LARGE1: variants seen among roughly 807,000 people sequenced by gnomAD.
The protein encoded by LARGE1 is xylosyl- and glucuronyltransferase LARGE1.
Under a neutral mutation model 87.6 loss-of-function variants are expected in LARGE1, and 43 were observed. The observed-to-expected ratio is 0.49, with a 90% CI of 0.38 to 0.63. The LOEUF is 0.63. Ranked by LOEUF, LARGE1 falls within the 30% of genes least tolerant of loss-of-function variation. LARGE1 has a pLI of 0.00. For missense variants in LARGE1, 802 were observed against 1,000.2 expected, an observed-to-expected ratio of 0.80 and a Z score of 2.67; for synonymous variants, 434 against 394.6, an observed-to-expected ratio of 1.10 and a Z score of -1.18.
chr22:33,107,673 TG>T, the LARGE1 span, among the ~76,000 whole-genome samples: 1 of 152,162 alleles, frequency 6.6e-6, no homozygotes, highest in Admixed American at 6.5e-5. Flanking sequence ...GAGACCAGCC[TG>T]GGAAACAAAG....
At chr22:33,892,302 T>C (rs1406737561) in intron 1 of LARGE1, among the ~76,000 whole-genome samples, 1 of 152,172 alleles carries the variant, frequency 6.6e-6, no homozygotes, top group Non-Finnish European at 1.5e-5. Context: ...ATTGGCTGCG[T>C]GGCTCTGCTC....
chr22:33,370,019 A>T (rs945866545), intron 9 of LARGE1, among the ~76,000 whole-genome samples: 7 of 152,188 alleles, frequency 4.6e-5, no homozygotes, highest in African/African-American at 1.7e-4. Context: ...CAACCTAGAC[A>T]TCTTTTGCAA....
chr22:33,738,468 G>A (rs754189039), intron 2 of LARGE1, among the ~76,000 whole-genome samples: 1 of 152,200 alleles, frequency 6.6e-6, no homozygotes, highest in Non-Finnish European at 1.5e-5. Context: ...GGAGAGGAGG[G>A]CAGGGAAATG....
chr22:33,071,004 T>G, the LARGE1 span, among the ~76,000 whole-genome samples: 1 of 151,778 alleles, frequency 6.6e-6, no homozygotes, highest in Non-Finnish European at 1.5e-5. Context: ...CTTCAACACA[T>G]GCCAGAAATA....
intron 6 of LARGE1, among the ~76,000 whole-genome samples, chr22:33,508,940 C>G (rs2070904345): frequency 6.6e-6 from 1 of 152,196 alleles, no homozygotes; most frequent in Admixed American, 6.5e-5. Context: ...TTACTAACAA[C>G]TACCCTGGTG....
chr22:33,805,736 A>AAAATAAATAAAT (rs1373490783), intron 1 of LARGE1, among the ~76,000 whole-genome samples: 4 of 112,092 alleles, frequency 3.6e-5, no homozygotes, highest in Non-Finnish European at 7.1e-5. Context: ...TCTGTCTCAA[A>AAAATAAATAAAT]AAATAAATAA....
chr22:33,745,555 C>G (rs1052139391), intron 2 of LARGE1, among the ~76,000 whole-genome samples: 1 of 152,130 alleles, frequency 6.6e-6, no homozygotes, highest in Non-Finnish European at 1.5e-5. Flanking sequence ...CAATCTGCCC[C>G]CAAACTGCGC....
At chr22:33,449,518 G>A (rs535143930) in intron 6 of LARGE1, among the ~76,000 whole-genome samples, 1 of 152,312 alleles carries the variant, frequency 6.6e-6, no homozygotes, top group South Asian at 2.1e-4. Flanking sequence ...CAAGCACTCT[G>A]ACTCCAAAGA....
At chr22:33,202,000 G>C (rs1230582336) in intron 11 of LARGE1, among the ~76,000 whole-genome samples, 6 of 152,046 alleles carry the variant, frequency 3.9e-5, no homozygotes, top group African/African-American at 1.4e-4. Context: ...GCTGGGCGTG[G>C]TGGCACACGC....
intron 1 of LARGE1, among the ~76,000 whole-genome samples, chr22:33,805,458 G>A (rs981091960): frequency 6.6e-6 from 1 of 152,140 alleles, no homozygotes; most frequent in African/African-American, 2.4e-5. Context: ...CCCTGGTCGG[G>A]CACGGTGGCT....
intron 1 of LARGE1, among the ~76,000 whole-genome samples, chr22:33,877,985 G>A (rs974689850): frequency 7.9e-5 from 12 of 151,276 alleles, no homozygotes; most frequent in African/African-American, 2.2e-4. Context: ...AATAAAGAAT[G>A]TAACATTTGA....
chr22:33,730,079 GAGTCCA>G (rs2083411689), intron 2 of LARGE1, among the ~76,000 whole-genome samples: 1 of 152,090 alleles, frequency 6.6e-6, no homozygotes, highest in East Asian at 1.9e-4. Flanking sequence ...TAAAGTGCAT[GAGTCCA>G]CAAATACACA....
intron 7 of LARGE1, among the ~76,000 whole-genome samples, chr22:33,423,064 G>A (rs140659542): frequency 6.6e-6 from 1 of 151,146 alleles, no homozygotes; most frequent in East Asian, 1.9e-4. Flanking sequence ...CAAGTCAAGC[G>A]AAGATGGTAC....
the LARGE1 span, among the ~76,000 whole-genome samples, chr22:33,128,750 G>A: frequency 6.6e-6 from 1 of 151,636 alleles, no homozygotes; most frequent in Non-Finnish European, 1.5e-5. Context: ...ATACACCATG[G>A]AATACTATGC....
chr22:33,129,453 G>T, the LARGE1 span, among the ~76,000 whole-genome samples: 1 of 152,084 alleles, frequency 6.6e-6, no homozygotes, highest in African/African-American at 2.4e-5. Flanking sequence ...ATTATACCAA[G>T]GTCAATCCCA....
chr22:33,337,875 T>G (rs909897478), intron 9 of LARGE1, 74 bp from the exon 10 acceptor site: 1 of 1,488,142 alleles, frequency 6.7e-7, no homozygotes, highest in African/African-American at 1.4e-5. Flanking sequence ...TAGGAAGCCA[T>G]GGCTCAGCAC....
At chr22:33,484,297 G>A (rs1366970827) in intron 6 of LARGE1, among the ~76,000 whole-genome samples, 4 of 152,120 alleles carry the variant, frequency 2.6e-5, no homozygotes, top group African/African-American at 7.2e-5. Context: ...ACCTTGAGGA[G>A]TTTCAATGTA....
intron 9 of LARGE1, among the ~76,000 whole-genome samples, chr22:33,360,184 G>A (rs2064334185): frequency 6.7e-6 from 1 of 149,342 alleles, no homozygotes; most frequent in Non-Finnish European, 1.5e-5. Context: ...GTAGTGACGT[G>A]TGCCTGTAGT....
intron 6 of LARGE1, among the ~76,000 whole-genome samples, chr22:33,476,228 T>A (rs2069071658): frequency 6.6e-6 from 1 of 152,230 alleles, no homozygotes; most frequent in South Asian, 2.1e-4. Flanking sequence ...GACAAACGCA[T>A]ACCTGGATTG....
Sources: gnomAD v4.1 joint callset for allele counts (sites outside exome capture counted in the v4.1 genomes callset) on GRCh38, gnomAD v4.1.1 for gene constraint, MANE v1.5 for transcripts, NCBI Gene and HGNC (gene_info 2026-07-23, HGNC 2026-07-21) for gene names.